Variants in TPST1 observed in about 807,000 individuals in gnomAD.
The protein encoded by TPST1 is protein-tyrosine sulfotransferase 1.
Under a neutral mutation model 34.8 loss-of-function variants are expected in TPST1, and 20 were observed. The ratio of observed to expected loss-of-function variants is 0.57; its 90% CI spans 0.40 to 0.84. The LOEUF is 0.84. Among genes scored for constraint, TPST1 ranks in the 40% least tolerant of loss-of-function variants. The probability of loss-of-function intolerance (pLI) is 0.00; values close to 1 mark genes in which losing one functional copy is unlikely to be tolerated. For missense variants in TPST1, 353 were observed against 455.5 expected (o/e 0.78, Z 2.05); for synonymous variants, 152 against 159.4 (o/e 0.95, Z 0.35).
chr7:66,252,162 A>G (rs1280167078), intron 2 of TPST1, among the ~76,000 whole-genome samples: 1 of 149,446 alleles, frequency 6.7e-6, no homozygotes, highest in Non-Finnish European at 1.5e-5. Flanking sequence ...GGTTCACGCC[A>G]TTCTCCTGCC....
At chr7:66,348,486 A>G (rs942626448) in intron 3 of TPST1, among the ~76,000 whole-genome samples, 3 of 152,158 alleles carry the variant, frequency 2.0e-5, no homozygotes, top group Non-Finnish European at 2.9e-5. Flanking sequence ...GATTTTTTTT[A>G]TTATTTTAAT....
chr7:66,332,262 G>T lies in TPST1; in HGVS notation c.1045-20243G>T, dbSNP rs1792010448. 6.6e-6 allele frequency among the ~76,000 whole-genome samples: 1 copy of T among 150,484 alleles called. No individual in the cohort carries two copies. Among genetic ancestry groups the T allele is most frequent in the South Asian group, 2.1e-4 (1 of 4,746 alleles). On this transcript the variant is annotated intron_variant, in intron 3 of 5. Coordinates refer to ENST00000304842, the MANE Select transcript of TPST1 (RefSeq NM_003596.4). This position sits in a 1 kb window ranked among gnomAD's most constrained non-coding sequence, Gnocchi z 4.5. ...TATTTTAAGTTGCACTGAGACTTTT[G>T]TTTACATCTTTTTTTTTTTTTTGAG...
At chr7:66,261,232 CTT>C (rs36114007) in intron 2 of TPST1, among the ~76,000 whole-genome samples, 2 of 126,666 alleles carry the variant, frequency 1.6e-5, no homozygotes, top group Admixed American at 8.0e-5. Context: ...CGTATATTGT[CTT>C]TTTTTTTTTT....
At chr7:66,358,970 A>G (rs1342751256) in intron 5 of TPST1, 1 of 152,244 alleles carries the variant, frequency 6.6e-6, no homozygotes, top group African/African-American at 2.4e-5. Context: ...CTGGGGACAC[A>G]GCAAAGCCCT....
At chr7:66,212,641 G>A (rs1350444432) in intron 1 of TPST1, among the ~76,000 whole-genome samples, 1 of 151,896 alleles carries the variant, frequency 6.6e-6, no homozygotes. Context: ...TGTATTTTTA[G>A]TAGAGACGGG....
At chr7:66,226,420 G>C (rs2116319000) in intron 1 of TPST1, among the ~76,000 whole-genome samples, 1 of 152,316 alleles carries the variant, frequency 6.6e-6, no homozygotes, top group Admixed American at 6.5e-5. Flanking sequence ...TCTATAAAAT[G>C]AGAGCATTAT....
chr7:66,337,288 C>A (rs886522713), intron 3 of TPST1, among the ~76,000 whole-genome samples: 2 of 143,708 alleles, frequency 1.4e-5, no homozygotes, highest in Admixed American at 1.4e-4. Context: ...AGTATGAAGA[C>A]TAAAAGACAA....
chr7:66,314,682 G>T (rs1791598278), intron 3 of TPST1, among the ~76,000 whole-genome samples: 1 of 152,100 alleles, frequency 6.6e-6, no homozygotes, highest in Admixed American at 6.6e-5. Context: ...AAATTTAGAT[G>T]GTATAGCCTG....
intron 1 of TPST1, among the ~76,000 whole-genome samples, chr7:66,217,826 C>T (rs905580656): frequency 6.6e-6 from 1 of 151,548 alleles, no homozygotes; most frequent in Non-Finnish European, 1.5e-5. Context: ...CTTTGTGATC[C>T]GCCCGCCTCG....
chr7:66,358,079 C>T (rs1792618555), intron 5 of TPST1, among the ~76,000 whole-genome samples: 1 of 150,644 alleles, frequency 6.6e-6, no homozygotes, highest in African/African-American at 2.4e-5. Context: ...AGAGAGACTT[C>T]GTCTCAAAAA....
At chr7:66,334,770 C>T (rs1792062252) in intron 3 of TPST1, among the ~76,000 whole-genome samples, 1 of 152,120 alleles carries the variant, frequency 6.6e-6, no homozygotes. Flanking sequence ...TGTGCCACCC[C>T]TTCCCCCCAA....
intron 2 of TPST1, among the ~76,000 whole-genome samples, chr7:66,245,383 G>A (rs1790125659): frequency 2.0e-5 from 3 of 152,174 alleles, no homozygotes; most frequent in Admixed American, 2.0e-4. Context: ...CAGGGGTCAG[G>A]GGCATTCTGG....
At chr7:66,223,195 C>A (rs1037996265) in intron 1 of TPST1, among the ~76,000 whole-genome samples, 1 of 151,928 alleles carries the variant, frequency 6.6e-6, no homozygotes, top group Non-Finnish European at 1.5e-5. Context: ...GTTTGTAATT[C>A]CAGCACTTTG....
chr7:66,275,076 C>T (rs771545995), intron 2 of TPST1, among the ~76,000 whole-genome samples: 26 of 152,096 alleles, frequency 1.7e-4, no homozygotes, highest in Non-Finnish European at 2.8e-4. Context: ...TGCCTGTAGT[C>T]CCAGCTACTT....
At chr7:66,274,262 G>A (rs1790762564) in intron 2 of TPST1, among the ~76,000 whole-genome samples, 1 of 151,916 alleles carries the variant, frequency 6.6e-6, no homozygotes, top group Non-Finnish European at 1.5e-5. Flanking sequence ...CAGCTACTCA[G>A]GCTGAGGCAG....
chr7:66,281,176 G>T (rs751933762), intron 2 of TPST1, among the ~76,000 whole-genome samples: 1 of 152,164 alleles, frequency 6.6e-6, no homozygotes, highest in Non-Finnish European at 1.5e-5. Context: ...CAGGGATAAA[G>T]CCTACTTGAT....
chr7:66,357,886 C>T (rs192159426), intron 5 of TPST1, among the ~76,000 whole-genome samples: 1 of 152,240 alleles, frequency 6.6e-6, no homozygotes, highest in East Asian at 1.9e-4. Flanking sequence ...GAGTTCGAGA[C>T]CAGCCTGGCC....
upstream of TPST1, among the ~76,000 whole-genome samples, chr7:66,200,339 G>A (rs1426296668): frequency 6.6e-6 from 1 of 152,106 alleles, no homozygotes; most frequent in African/African-American, 2.4e-5. Context: ...GGTTGCGTAG[G>A]CTGTTTGGAA....
chr7:66,336,362 A>C (rs1342875361), intron 3 of TPST1, among the ~76,000 whole-genome samples: 3 of 152,312 alleles, frequency 2.0e-5, no homozygotes, highest in Admixed American at 6.5e-5. Flanking sequence ...TAGAAAATTA[A>C]ATGAAATTTA....
Sources: allele counts gnomAD v4.1 joint callset (sites outside exome capture counted in the v4.1 genomes callset), GRCh38; gene constraint gnomAD v4.1.1; non-coding constraint Gnocchi (gnomAD v3.1); transcripts MANE v1.5; gene names NCBI Gene and HGNC (gene_info 2026-07-23, HGNC 2026-07-21).